The following UST variants were observed in gnomAD, a reference collection of about 807,000 sequenced individuals.
UST encodes chondroitin sulfate 2-O-sulfotransferase.
A neutral mutation model predicts 45.6 loss-of-function variants in UST; 21 were observed. The ratio of observed to expected loss-of-function variants is 0.46; its 90% CI spans 0.33 to 0.66. UST has a LOEUF of 0.66. Among genes scored for constraint, UST ranks in the 30% least tolerant of loss-of-function variants. The pLI is 0.02. For missense variants in UST, 463 were observed against 512.4 expected (o/e 0.90, Z 0.93); for synonymous variants, 215 against 200.6 (o/e 1.07, Z -0.61).
intron 7 of UST, among the ~76,000 whole-genome samples, chr6:149,030,905 T>C (rs534959840): frequency 6.6e-6 from 1 of 152,172 alleles, no homozygotes; most frequent in Non-Finnish European, 1.5e-5. Flanking sequence ...GTCTTTAAGA[T>C]AGTGTCTAAA....
At chr6:149,010,913 A>AAAAAAAAAAAAAAAAAAAAAAAAAAC (rs755674810) in intron 5 of UST, among the ~76,000 whole-genome samples, 15 of 92,996 alleles carry the variant, frequency 1.6e-4, no homozygotes, top group African/African-American at 4.8e-4. Context: ...AAAAAAAAAA[A>AAAAAAAAAAAAAAAAAAAAAAAAAAC]AAAAAACTGT....
At chr6:149,050,224 A>AT (rs373998468) in intron 7 of UST, among the ~76,000 whole-genome samples, 358 of 152,246 alleles carry the variant, frequency 2.4e-3, no homozygotes, top group Middle Eastern at 0.01. Context: ...CTGAAAACAC[A>AT]TTGTCTGTCT....
Position 149,074,178 on chromosome 6 carries a change from G to A in UST, c.*62G>A, listed in dbSNP as rs1660345683. The A allele has an allele frequency of 1.3e-6, 2 of 1,559,532 alleles. No homozygotes were observed. The highest frequency in any genetic ancestry group is 2.7e-5 in the African/African-American group (2 of 73,202). ...TCCAGAAAGTTCTTTGTTTGGGGAAGTAAAATCCTTAAGGGACTAAATTAA... is the reference window on the plus strand; with the variant it reads ...TCCAGAAAGTTCTTTGTTTGGGGAAATAAAATCCTTAAGGGACTAAATTAA... On this transcript the variant is annotated 3_prime_UTR_variant, in exon 8 of 8. Coordinates refer to ENST00000367463, the MANE Select transcript of UST (RefSeq NM_005715.3).
intron 7 of UST, among the ~76,000 whole-genome samples, chr6:149,048,547 A>G (rs1163530316): frequency 4.7e-4 from 71 of 151,574 alleles, no homozygotes; most frequent in African/African-American, 1.4e-3. Context: ...AAAAAAAAAA[A>G]AGAGAGAGAG....
intron 2 of UST, among the ~76,000 whole-genome samples, chr6:148,924,504 G>A (rs1262401834): frequency 1.3e-5 from 2 of 152,288 alleles, no homozygotes; most frequent in East Asian, 1.9e-4. Flanking sequence ...CACTGAAGAC[G>A]GTTTTGCCAG....
intron 2 of UST, among the ~76,000 whole-genome samples, chr6:148,913,421 A>ATTTTTTT (rs767723701): frequency 7.6e-5 from 5 of 66,202 alleles, no homozygotes; most frequent in Admixed American, 1.9e-4. Context: ...GGGACCAAAA[A>ATTTTTTT]TCTTTTTTTT....
chr6:149,037,556 T>A (rs979994017), intron 7 of UST, among the ~76,000 whole-genome samples: 1 of 151,602 alleles, frequency 6.6e-6, no homozygotes, highest in Non-Finnish European at 1.5e-5. Context: ...GAAGGAAGAG[T>A]GTTCTTGCCT....
chr6:148,977,257 C>T (rs1034472304), intron 5 of UST, among the ~76,000 whole-genome samples: 11 of 151,536 alleles, frequency 7.3e-5, no homozygotes, highest in Non-Finnish European at 1.3e-4. Context: ...TATATATACA[C>T]ACTGTTGTAA....
chr6:149,067,146 G>A (rs905792265), intron 7 of UST, among the ~76,000 whole-genome samples: 1 of 152,150 alleles, frequency 6.6e-6, no homozygotes, highest in African/African-American at 2.4e-5. Context: ...GAACTGAATG[G>A]GACCCAAGAA....
In UST at chr6:149,012,036, G is replaced by A. The variant is rs891818279; in HGVS notation, c.682-7103G>A. On this transcript the variant is annotated intron_variant, in intron 5 of 7. Transcript: ENST00000367463. ...GTGTAAAGGACCAGAAAGCCACTAC[G>A]GTAGATGCCACAGATATTAAATATC... Among the ~76,000 whole-genome samples the A allele has an allele frequency of 2.6e-5, 4 of 152,166 alleles. No individual in the cohort carries two copies. In the South Asian group the frequency reaches 6.2e-4, roughly 24 times the overall value.
chr6:149,035,478 G>C (rs1277556517), intron 7 of UST, among the ~76,000 whole-genome samples: 1 of 152,134 alleles, frequency 6.6e-6, no homozygotes, highest in African/African-American at 2.4e-5. Flanking sequence ...ATTGCAGCCG[G>C]ACATGGTGGC....
At position 148,758,209 on chromosome 6, in the gene UST, A is replaced by G. The variant is rs573008215; in HGVS notation, c.247+10532A>G. Among the ~76,000 whole-genome samples, 14 of 152,294 alleles carry G rather than the reference A, an allele frequency of 9.2e-5. No individual in the cohort carries two copies. The East Asian group carries it at 9.6e-4, about 10-fold the overall frequency. ...AAGCAATCAAACCTAGAAATACACA[A>G]TTACTTCACTAGTATTTGGCAAGGG... On this transcript the variant is annotated intron_variant, in intron 1 of 7. Coordinates refer to ENST00000367463, the MANE Select transcript of UST (RefSeq NM_005715.3).
intron 2 of UST, among the ~76,000 whole-genome samples, chr6:148,927,143 A>G (rs1393415568): frequency 2.6e-5 from 4 of 151,936 alleles, no homozygotes; most frequent in Non-Finnish European, 5.9e-5. Flanking sequence ...ACAGTTGCAA[A>G]GAGAGAGAAC....
intron 1 of UST, among the ~76,000 whole-genome samples, chr6:148,794,305 G>A (rs1776907468): frequency 6.6e-6 from 1 of 152,096 alleles, no homozygotes; most frequent in Non-Finnish European, 1.5e-5. Context: ...ACAGCTTTAA[G>A]TTTCTTATAC....
chr6:148,779,649 G>A (rs188513453), intron 1 of UST, among the ~76,000 whole-genome samples: 96 of 152,326 alleles, frequency 6.3e-4, no homozygotes, highest in Middle Eastern at 3.4e-3. Context: ...AAATTCAGAC[G>A]TTAAAGTGAC....
At chr6:148,950,680 T>G (rs1303671572) in intron 3 of UST, among the ~76,000 whole-genome samples, 1 of 152,254 alleles carries the variant, frequency 6.6e-6, no homozygotes, top group East Asian at 1.9e-4. Flanking sequence ...CTTTCTTTCC[T>G]GGCTAACTCC....
chr6:149,004,030 A>G (rs966199193), intron 5 of UST, among the ~76,000 whole-genome samples: 2 of 152,258 alleles, frequency 1.3e-5, no homozygotes, highest in African/African-American at 4.8e-5. Flanking sequence ...AAATGATGCC[A>G]TGTTTTTTAA....
chr6:149,030,006 T>G (rs1183559857), intron 7 of UST, among the ~76,000 whole-genome samples: 1 of 152,120 alleles, frequency 6.6e-6, no homozygotes, highest in East Asian at 1.9e-4. Flanking sequence ...TCAGTAAGTT[T>G]CTAAGTCATA....
At position 148,886,994 on chromosome 6, in the gene UST, A is replaced by G. The variant is rs1164227731; in HGVS notation, c.256A>G (p.Thr86Ala). 2 of 1,612,262 alleles carry G rather than the reference A, an allele frequency of 1.2e-6. No homozygotes were observed. Among genetic ancestry groups the G allele is most frequent in the East Asian group, 2.2e-5 (1 of 44,876 alleles). Residue 86 changes from threonine to alanine, a missense_variant, in exon 2 of 8, where the codon ACT (threonine) becomes GCT (alanine). By Grantham distance (58) the Thr-to-Ala change is moderately conservative. Coordinates refer to ENST00000367463, the MANE Select transcript of UST (RefSeq NM_005715.3). Reference protein sequence around the residue: ...LDLRQYLGNSTYLDDHGPPPS... With the variant: ...LDLRQYLGNSAYLDDHGPPPS... Reference sequence around the variant, plus strand: ...TTTCCTTTATTTTCTAGGAAATTCCACTTACTTGGATGACCATGGACCACC... The same window carrying G: ...TTTCCTTTATTTTCTAGGAAATTCCGCTTACTTGGATGACCATGGACCACC...
Sources: gnomAD v4.1 joint callset for allele counts (sites outside exome capture counted in the v4.1 genomes callset) on GRCh38, gnomAD v4.1.1 for gene constraint, MANE v1.5 for transcripts, NCBI Gene and HGNC (gene_info 2026-07-23, HGNC 2026-07-21) for gene names.